PTPRR: variants seen among roughly 807,000 people sequenced by gnomAD.
The protein encoded by PTPRR is protein tyrosine phosphatase receptor type R.
Under a neutral mutation model 77.2 loss-of-function variants are expected in PTPRR, and 38 were observed. That is an observed-to-expected ratio of 0.49 (90% CI 0.38 to 0.65). The LOEUF (loss-of-function observed/expected upper bound fraction) is 0.65. PTPRR is among the 30% of genes least tolerant of loss of function. PTPRR has a pLI of 0.00. For synonymous variants in PTPRR, 299 were observed against 283.1 expected, an observed-to-expected ratio of 1.06 and a Z score of -0.57; for missense variants, 744 against 799.2, an observed-to-expected ratio of 0.93 and a Z score of 0.83.
At chr12:70,782,653 A>G (rs1010623274) in intron 2 of PTPRR, among the ~76,000 whole-genome samples, 1 of 151,918 alleles carries the variant, frequency 6.6e-6, no homozygotes, top group African/African-American at 2.4e-5. Context: ...ACACTTGGAC[A>G]CAGGAAGGGA....
intron 2 of PTPRR, among the ~76,000 whole-genome samples, chr12:70,784,089 GC>G (rs1565695799): frequency 6.6e-6 from 1 of 152,150 alleles, no homozygotes. Flanking sequence ...GCAGCTGAGG[GC>G]AGAGGGAGCA....
At chr12:70,893,567 C>T (rs1893375751) in intron 1 of PTPRR, among the ~76,000 whole-genome samples, 1 of 151,890 alleles carries the variant, frequency 6.6e-6, no homozygotes, top group South Asian at 2.1e-4. Context: ...ATAGAGACTA[C>T]ATTTCTCTCA....
chr12:70,765,884 G>A (rs756014860), intron 2 of PTPRR, among the ~76,000 whole-genome samples: 1 of 152,202 alleles, frequency 6.6e-6, no homozygotes, highest in Non-Finnish European at 1.5e-5. Flanking sequence ...AGCCACCGCT[G>A]CTATTACCCA....
Position 70,672,185 on chromosome 12 carries a change from G to A in PTPRR, c.1498-9580C>T, listed in dbSNP as rs949116719. The A allele has an allele frequency of 3.3e-5, 51 of 1,551,364 alleles. No individual in the cohort carries two copies. The African/African-American group carries it at 5.7e-4, about 17-fold the overall frequency. ...AAGAGCCTTGGGTGCCCAGTTGCCAGTCCTACCATGGTTGGAAGTGACCTC... is the reference window on the plus strand; with the variant it reads ...AAGAGCCTTGGGTGCCCAGTTGCCAATCCTACCATGGTTGGAAGTGACCTC... On this transcript the variant is annotated intron_variant, in intron 10 of 13. Coordinates refer to ENST00000283228, the MANE Select transcript of PTPRR (RefSeq NM_002849.4).
At chr12:70,849,448 G>C (rs1323008104) in intron 2 of PTPRR, among the ~76,000 whole-genome samples, 1 of 152,174 alleles carries the variant, frequency 6.6e-6, no homozygotes, top group East Asian at 1.9e-4. Context: ...AAAAATAAGA[G>C]TGGAGATTGA....
At chr12:70,857,589 T>C (rs2137075398) in intron 2 of PTPRR, among the ~76,000 whole-genome samples, 1 of 152,222 alleles carries the variant, frequency 6.6e-6, no homozygotes, top group South Asian at 2.1e-4. Flanking sequence ...ATTTGCAGGG[T>C]GAATGTTGGC....
At position 70,851,337 on chromosome 12, in the gene PTPRR, T is replaced by C. The variant is rs983152941; in HGVS notation, c.357+41342A>G. 2.6e-5 allele frequency among the ~76,000 whole-genome samples: 4 copies of C among 152,120 alleles called. No homozygotes were observed. The East Asian group carries it at 5.8e-4, about 22-fold the overall frequency. On this transcript the variant is annotated intron_variant, in intron 2 of 13. Transcript: ENST00000283228. ...CATATTCCAATGTCTTCACAGAAGA[T>C]GATGGAATATTCTAAAAGACAAACC...
intron 10 of PTPRR, among the ~76,000 whole-genome samples, chr12:70,669,653 C>G (rs956109062): frequency 6.6e-6 from 1 of 151,984 alleles, no homozygotes; most frequent in African/African-American, 2.4e-5. Context: ...CATCCTCAAA[C>G]TCCTGGGCTC....
At chr12:70,919,748 A>C (rs966950942) in intron 1 of PTPRR, among the ~76,000 whole-genome samples, 1 of 146,744 alleles carries the variant, frequency 6.8e-6, no homozygotes, top group Non-Finnish European at 1.5e-5. Flanking sequence ...AAGAGACAAG[A>C]GGATTCTATT....
At chr12:70,766,147 G>C (rs1021471558) in intron 2 of PTPRR, among the ~76,000 whole-genome samples, 1 of 152,152 alleles carries the variant, frequency 6.6e-6, no homozygotes, top group African/African-American at 2.4e-5. Flanking sequence ...ACCAGCAACG[G>C]AACAAAGCTG....
intron 2 of PTPRR, among the ~76,000 whole-genome samples, chr12:70,884,966 A>G (rs1893214064): frequency 6.6e-6 from 1 of 151,622 alleles, no homozygotes. Flanking sequence ...CTGAAATAGA[A>G]TGTTTTGTAT....
chr12:70,776,243 G>C (rs1038943869), intron 2 of PTPRR, among the ~76,000 whole-genome samples: 5 of 152,076 alleles, frequency 3.3e-5, no homozygotes, highest in African/African-American at 1.2e-4. Context: ...GACATCCAGT[G>C]AATAGTCAAG....
intron 5 of PTPRR, among the ~76,000 whole-genome samples, chr12:70,750,583 C>T (rs1409865590): frequency 6.6e-6 from 1 of 152,082 alleles, no homozygotes; most frequent in African/African-American, 2.4e-5. Flanking sequence ...TTGACATGTC[C>T]CTAAACATGA....
intron 12 of PTPRR, among the ~76,000 whole-genome samples, chr12:70,657,919 T>G (rs1421757901): frequency 6.6e-6 from 1 of 152,190 alleles, no homozygotes; most frequent in African/African-American, 2.4e-5. Context: ...GATCTCATTA[T>G]AGTTTCCAAG....
chr12:70,777,223 T>C (rs1891109523), intron 2 of PTPRR, among the ~76,000 whole-genome samples: 1 of 152,156 alleles, frequency 6.6e-6, no homozygotes, highest in Non-Finnish European at 1.5e-5. Context: ...TTTTAACAGA[T>C]TAGTTTATTC....
At chr12:70,656,048 C>CA (rs578017935) in intron 13 of PTPRR, among the ~76,000 whole-genome samples, 9,225 of 144,842 alleles carry the variant, frequency 0.064, 435 homozygotes, top group Admixed American at 0.15. Context: ...CCTGTCTCTA[C>CA]AAAAAAAAAA....
chr12:70,781,900 A>T (rs970475688), intron 2 of PTPRR, among the ~76,000 whole-genome samples: 1 of 152,166 alleles, frequency 6.6e-6, no homozygotes, highest in Non-Finnish European at 1.5e-5. Context: ...AACACATGAA[A>T]TAACAATACT....
chr12:70,727,563 T>C (rs932535972), intron 6 of PTPRR, among the ~76,000 whole-genome samples: 2 of 152,186 alleles, frequency 1.3e-5, no homozygotes, highest in African/African-American at 4.8e-5. Flanking sequence ...GTAAAAAGTG[T>C]GTCTGAGAGT....
chr12:70,826,135 A>G (rs1030620666), intron 2 of PTPRR, among the ~76,000 whole-genome samples: 6 of 152,188 alleles, frequency 3.9e-5, no homozygotes, highest in Admixed American at 6.5e-5. Flanking sequence ...GGAGAGAAAG[A>G]AGGAGGATAG....
Sources: allele counts gnomAD v4.1 joint callset (sites outside exome capture counted in the v4.1 genomes callset), GRCh38; gene constraint gnomAD v4.1.1; transcripts MANE v1.5; gene names NCBI Gene and HGNC (gene_info 2026-07-23, HGNC 2026-07-21).